HPSE2: variants seen among roughly 807,000 people sequenced by gnomAD.
HPSE2 encodes inactive heparanase-2.
HPSE2 carries 38 observed loss-of-function variants against 60.5 expected under a neutral mutation model. That is an observed-to-expected ratio of 0.63 (90% CI 0.48 to 0.82). The LOEUF is 0.82. Ranked by LOEUF, HPSE2 falls within the 40% of genes least tolerant of loss-of-function variation. HPSE2 has a pLI of 0.00. For synonymous variants in HPSE2, 295 were observed against 293.2 expected (o/e 1.01, Z -0.06); for missense variants, 713 against 740.4 (o/e 0.96, Z 0.43).
chr10:98,541,175 T>C (rs1487864148), intron 9 of HPSE2, among the ~76,000 whole-genome samples: 4 of 152,248 alleles, frequency 2.6e-5, no homozygotes, highest in Non-Finnish European at 5.9e-5. Context: ...GCTATCCTTA[T>C]ACTGCAACTC....
intron 3 of HPSE2, among the ~76,000 whole-genome samples, chr10:99,094,540 A>ATATATATATATATT (rs1843646305): frequency 1.1e-4 from 3 of 26,612 alleles, no homozygotes; most frequent in Non-Finnish European, 1.8e-4. Context: ...ATATATATAT[A>ATATATATATATATT]TTTTTTTTTT....
chr10:98,476,329 G>T (rs548109471), intron 11 of HPSE2, among the ~76,000 whole-genome samples: 2 of 115,738 alleles, frequency 1.7e-5, no homozygotes, highest in Admixed American at 1.0e-4. Context: ...GTTGTGGGGT[G>T]GGGGGAGGGG....
At chr10:98,533,952 C>T (rs1196626153) in intron 9 of HPSE2, among the ~76,000 whole-genome samples, 1 of 152,152 alleles carries the variant, frequency 6.6e-6, no homozygotes, top group Non-Finnish European at 1.5e-5. Flanking sequence ...ATTAACCAGA[C>T]TTTTTGTTGG....
chr10:98,663,814 C>T (rs1243991620), intron 6 of HPSE2, among the ~76,000 whole-genome samples: 1 of 152,182 alleles, frequency 6.6e-6, no homozygotes, highest in African/African-American at 2.4e-5. Flanking sequence ...AGCAGCCTGG[C>T]ACCAGCTACC....
intron 3 of HPSE2, among the ~76,000 whole-genome samples, chr10:99,081,524 A>G (rs1484275854): frequency 6.6e-6 from 1 of 152,008 alleles, no homozygotes; most frequent in Non-Finnish European, 1.5e-5. Flanking sequence ...ATCTGGATAT[A>G]CTCGGCACTC....
intron 6 of HPSE2, among the ~76,000 whole-genome samples, chr10:98,664,336 G>A (rs1947304503): frequency 6.6e-6 from 1 of 152,112 alleles, no homozygotes; most frequent in East Asian, 1.9e-4. Context: ...TGAATGGGGT[G>A]AGATGCCTGG....
At chr10:98,724,664 T>A (rs1324410190) in intron 4 of HPSE2, among the ~76,000 whole-genome samples, 1 of 152,160 alleles carries the variant, frequency 6.6e-6, no homozygotes, top group African/African-American at 2.4e-5. Flanking sequence ...ACTGGGTGCA[T>A]ATATATTTAG....
chr10:99,016,827 T>C (rs942906580), intron 3 of HPSE2, among the ~76,000 whole-genome samples: 3 of 152,166 alleles, frequency 2.0e-5, no homozygotes, highest in African/African-American at 7.2e-5. Flanking sequence ...GACTTGGCTC[T>C]CAGCTTGACT....
At chr10:99,028,820 G>T (rs1957435265) in intron 3 of HPSE2, among the ~76,000 whole-genome samples, 1 of 152,072 alleles carries the variant, frequency 6.6e-6, no homozygotes, top group African/African-American at 2.4e-5. Context: ...GGAGAACCCA[G>T]AAACAATCTA....
intron 9 of HPSE2, among the ~76,000 whole-genome samples, chr10:98,539,993 G>A (rs965194687): frequency 1.3e-5 from 2 of 152,230 alleles, no homozygotes; most frequent in Non-Finnish European, 1.5e-5. Flanking sequence ...TTCAGGCCCT[G>A]CCTGGTCAGT....
At chr10:98,760,804 T>G (rs538127886) in intron 3 of HPSE2, among the ~76,000 whole-genome samples, 97 of 152,176 alleles carry the variant, frequency 6.4e-4, no homozygotes, top group African/African-American at 2.3e-3. Context: ...GTCTTTGATA[T>G]GAGCTTTGGT....
At chr10:99,294,381 CATATATA>C in the HPSE2 span, among the ~76,000 whole-genome samples, 11 of 143,904 alleles carry the variant, frequency 7.6e-5, no homozygotes, top group East Asian at 8.0e-4. Context: ...ATAATACATA[CATATATA>C]ATATATAATA....
intron 6 of HPSE2, among the ~76,000 whole-genome samples, chr10:98,684,042 T>C (rs1177930748): frequency 2.6e-5 from 4 of 152,112 alleles, no homozygotes; most frequent in Admixed American, 6.6e-5. Flanking sequence ...ATCCAAAATA[T>C]AAATCAAACT....
chr10:99,184,819 TAGAGAGAGAGAGAGAGAGAGAGAGAG>T (rs1177556672), intron 2 of HPSE2, among the ~76,000 whole-genome samples: 1 of 19,868 alleles, frequency 5.0e-5, no homozygotes, highest in Non-Finnish European at 9.9e-5. Flanking sequence ...TATATATATA[TAGAGAGAGAGAGAGAGAGAGAGAGAG>T]AGAGAGAGAG....
the HPSE2 span, among the ~76,000 whole-genome samples, chr10:99,302,034 C>T: frequency 2.0e-5 from 3 of 151,956 alleles, no homozygotes; most frequent in South Asian, 4.2e-4. Context: ...CAAAGATGAG[C>T]CCCTGCCTAA....
intron 3 of HPSE2, among the ~76,000 whole-genome samples, chr10:98,949,668 C>T (rs927568777): frequency 2.3e-4 from 35 of 152,062 alleles, no homozygotes; most frequent in African/African-American, 8.5e-4. Context: ...GTTGGACAGA[C>T]CTGGGTTTCT....
chr10:99,078,070 T>C (rs1843008121), intron 3 of HPSE2, among the ~76,000 whole-genome samples: 1 of 152,162 alleles, frequency 6.6e-6, no homozygotes, highest in Non-Finnish European at 1.5e-5. Flanking sequence ...CCTATCACCT[T>C]CCACCATGAA....
At chr10:98,797,309 A>C (rs1257714086) in intron 3 of HPSE2, among the ~76,000 whole-genome samples, 3 of 152,206 alleles carry the variant, frequency 2.0e-5, no homozygotes, top group Non-Finnish European at 2.9e-5. Flanking sequence ...AATGAAAAAG[A>C]AGCAGAAATT....
intron 5 of HPSE2, among the ~76,000 whole-genome samples, chr10:98,708,124 A>T (rs1177562147): frequency 6.6e-6 from 1 of 152,166 alleles, no homozygotes; most frequent in East Asian, 1.9e-4. Context: ...TCTGTATAAG[A>T]AATCAAAATA....
Sources: allele counts gnomAD v4.1 joint callset (sites outside exome capture counted in the v4.1 genomes callset), GRCh38; gene constraint gnomAD v4.1.1; transcripts MANE v1.5; gene names NCBI Gene and HGNC (gene_info 2026-07-23, HGNC 2026-07-21).